Variants in BEND6 observed in about 807,000 individuals in gnomAD.
The protein encoded by BEND6 is BEN domain-containing protein 6.
A neutral mutation model predicts 31.8 loss-of-function variants in BEND6; 24 were observed. That is an observed-to-expected ratio of 0.75 (90% CI 0.55 to 1.06). The LOEUF (loss-of-function observed/expected upper bound fraction) is 1.06, where lower values mean the gene tolerates loss of function less well. BEND6 is among the 50% of genes least tolerant of loss of function. The pLI is 0.00. For synonymous variants in BEND6, 109 were observed against 114.6 expected, an observed-to-expected ratio of 0.95 and a Z score of 0.31; for missense variants, 294 against 327.4, an observed-to-expected ratio of 0.90 and a Z score of 0.79.
chr6:56,981,650 C>A, intron 1 of BEND6, 61 bp from the exon 2 acceptor site: 1 of 667,774 alleles, frequency 1.5e-6, no homozygotes, highest in Non-Finnish European at 2.5e-6. Flanking sequence ...GTGGCTAGTA[C>A]CATTATGAAA....
intron 3 of BEND6, among the ~76,000 whole-genome samples, chr6:57,003,908 A>G (rs1827046942): frequency 6.6e-6 from 1 of 152,244 alleles, no homozygotes; most frequent in Admixed American, 6.5e-5. Flanking sequence ...TTACCACATA[A>G]ACAAAATTAA....
chr6:56,980,956 A>G (rs1826043692), intron 1 of BEND6, among the ~76,000 whole-genome samples: 1 of 152,174 alleles, frequency 6.6e-6, no homozygotes, highest in African/African-American at 2.4e-5. Flanking sequence ...TCATCATTTA[A>G]CATCACTCAC....
rs1826084933 is a variant in BEND6, at chr6:56,981,890, T to C, written c.80T>C (p.Met27Thr). 6.2e-7 allele frequency: 1 copy of C among 1,612,508 alleles called. No individual in the cohort carries two copies. The highest frequency in any genetic ancestry group is 1.1e-5 in the South Asian group (1 of 90,884). ...RKGKRKRTET[M>T]DSENANSDMD... ...GGAAAGAGGAAAAGAACAGAGACAA[T>C]GGACTCAGAAAATGCAAATAGTGAC... The change falls in exon 2 of 7, where the codon ATG (methionine) becomes ACG (threonine). Residue 27 changes from methionine (M) to threonine (T), a missense_variant. Transcript: ENST00000370746.
At chr6:56,960,533 GATA>G (rs1825252535) in intron 1 of BEND6, among the ~76,000 whole-genome samples, 1 of 152,196 alleles carries the variant, frequency 6.6e-6, no homozygotes, top group South Asian at 2.1e-4. Flanking sequence ...AGGTTGTGAT[GATA>G]ATAAAACTAC....
chr6:57,023,080 A>C (rs760360917), intron 6 of BEND6, among the ~76,000 whole-genome samples: 6 of 152,218 alleles, frequency 3.9e-5, no homozygotes, highest in Non-Finnish European at 8.8e-5. Flanking sequence ...GTGTTAATGA[A>C]AACAATGTGT....
chr6:57,022,132 C>T (rs1003410473), intron 6 of BEND6, among the ~76,000 whole-genome samples: 3 of 149,094 alleles, frequency 2.0e-5, no homozygotes, highest in Non-Finnish European at 4.5e-5. Flanking sequence ...TGGAAGTATT[C>T]CCTCCTCTTC....
At position 56,977,784 on chromosome 6, in the gene BEND6, C is replaced by T. The variant is rs183128648; in HGVS notation, c.-100-3927C>T. Among the ~76,000 whole-genome samples, 365 of 152,186 alleles carry T rather than the reference C, an allele frequency of 2.4e-3. 2 individuals are homozygous for T. The highest frequency in any genetic ancestry group is 7.9e-3 in the South Asian group (38 of 4,824). On this transcript the variant is annotated intron_variant, in intron 1 of 6. Coordinates refer to ENST00000370746, the MANE Select transcript of BEND6 (RefSeq NM_152731.3). ...TCAACCTAGACAATACAGTGAGACCCCATCTCTACGAAAAATAAAAAAATT... is the reference window on the plus strand; with the variant it reads ...TCAACCTAGACAATACAGTGAGACCTCATCTCTACGAAAAATAAAAAAATT...
chr6:57,005,882 A>T (rs750975597), intron 3 of BEND6, among the ~76,000 whole-genome samples: 18 of 152,222 alleles, frequency 1.2e-4, no homozygotes, highest in Non-Finnish European at 2.2e-4. Flanking sequence ...TCTGAAAAAG[A>T]AGAATATGAG....
At chr6:56,998,737 C>G (rs1826817170) in intron 3 of BEND6, among the ~76,000 whole-genome samples, 1 of 138,394 alleles carries the variant, frequency 7.2e-6, no homozygotes, top group Non-Finnish European at 1.5e-5. Context: ...ACCCCAAGAG[C>G]ATAGGCAACA....
intron 3 of BEND6, among the ~76,000 whole-genome samples, chr6:56,995,092 C>A (rs922841204): frequency 4.6e-5 from 7 of 151,962 alleles, no homozygotes; most frequent in African/African-American, 1.7e-4. Flanking sequence ...TTCAGTGCAC[C>A]AGATCCCATC....
At chr6:57,004,317 A>G (rs1827066457) in intron 3 of BEND6, among the ~76,000 whole-genome samples, 1 of 152,208 alleles carries the variant, frequency 6.6e-6, no homozygotes. Context: ...TAACGACTCT[A>G]GTGAAGTTTC....
Position 56,981,737 on chromosome 6 carries a change from C to T in BEND6, c.-74C>T. The T allele has an allele frequency of 6.5e-7, 1 of 1,543,298 alleles. No individual in the cohort carries two copies. On this transcript the variant is annotated 5_prime_UTR_variant, in exon 2 of 7. Coordinates refer to ENST00000370746, the MANE Select transcript of BEND6 (RefSeq NM_152731.3). ...GAAAGCATTAACTTTTGAGCTACGT[C>T]CAGAATAGCATCATCTTCATGGGTA...
chr6:57,000,468 G>A (rs1230390318), intron 3 of BEND6, among the ~76,000 whole-genome samples: 2 of 151,882 alleles, frequency 1.3e-5, no homozygotes, highest in African/African-American at 4.8e-5. Flanking sequence ...AGGAAAACCA[G>A]AGACCTTTGT....
intron 1 of BEND6, among the ~76,000 whole-genome samples, chr6:56,966,775 G>T (rs561086406): frequency 6.6e-6 from 1 of 152,310 alleles, no homozygotes; most frequent in South Asian, 2.1e-4. Context: ...TTAGCACTTG[G>T]TTGTTTTGCC....
At position 57,004,425 on chromosome 6, in the gene BEND6, C is replaced by G. The variant is rs535596202; in HGVS notation, c.299-10708C>G. ...GGACAGAACCCAGCCCTCATCCCCC[C>G]ACCCCAGCTGGCTGCCCATAGCCAG... On this transcript the variant is annotated intron_variant, in intron 3 of 6. Transcript: ENST00000370746. The G allele has an allele frequency of 1.2e-3, 680 of 573,424 alleles. 2 individuals carry two copies. Among genetic ancestry groups the G allele is most frequent in the Non-Finnish European group, 1.9e-3 (595 of 311,802 alleles). 35.5% of individuals were successfully genotyped at this position (573,424 alleles called of 1,614,324 possible).
intron 3 of BEND6, among the ~76,000 whole-genome samples, chr6:57,002,329 A>G (rs1826975571): frequency 6.6e-6 from 1 of 152,208 alleles, no homozygotes; most frequent in Non-Finnish European, 1.5e-5. Context: ...TAACACAGGA[A>G]TTCTGGAATT....
intron 1 of BEND6, among the ~76,000 whole-genome samples, chr6:56,973,408 A>T (rs922822466): frequency 6.6e-6 from 1 of 152,170 alleles, no homozygotes; most frequent in African/African-American, 2.4e-5. Flanking sequence ...GATGCCTGAA[A>T]CAGTGGGTTG....
intron 6 of BEND6, among the ~76,000 whole-genome samples, chr6:57,022,946 G>A (rs1043657483): frequency 6.6e-6 from 1 of 152,018 alleles, no homozygotes; most frequent in Non-Finnish European, 1.5e-5. Flanking sequence ...AGACCCTCAG[G>A]TTATCAGTTT....
At chr6:57,014,708 G>A (rs897965213) in intron 3 of BEND6, among the ~76,000 whole-genome samples, 1 of 152,074 alleles carries the variant, frequency 6.6e-6, no homozygotes, top group Non-Finnish European at 1.5e-5. Flanking sequence ...TTTGAGAAAT[G>A]GCTAGTTTTA....
Sources: allele counts gnomAD v4.1 joint callset (sites outside exome capture counted in the v4.1 genomes callset), GRCh38; gene constraint gnomAD v4.1.1; transcripts MANE v1.5; gene names NCBI Gene and HGNC (gene_info 2026-07-23, HGNC 2026-07-21).